Variants in MXI1 observed in about 807,000 individuals in gnomAD.
MXI1 encodes the protein max-interacting protein 1.
In MXI1, 18 loss-of-function variants were observed where a neutral mutation model predicts 36.9. The observed-to-expected ratio is 0.49, with a 90% CI of 0.34 to 0.72. The LOEUF is 0.72. MXI1 is among the 30% of genes least tolerant of loss of function. The probability of loss-of-function intolerance (pLI) is 0.01; values close to 1 mark genes in which losing one functional copy is unlikely to be tolerated. For missense variants in MXI1, 304 were observed against 379.1 expected (o/e 0.80, Z 1.64); for synonymous variants, 160 against 146.7 (o/e 1.09, Z -0.65).
At chr10:110,244,254 T>G (rs1855778137) in intron 2 of MXI1, among the ~76,000 whole-genome samples, 1 of 152,056 alleles carries the variant, frequency 6.6e-6, no homozygotes, top group South Asian at 2.1e-4. Flanking sequence ...TTCTTGATTT[T>G]ATTAATATAT....
intron 2 of MXI1, among the ~76,000 whole-genome samples, chr10:110,233,428 A>G (rs1855342485): frequency 1.3e-5 from 2 of 152,072 alleles, no homozygotes; most frequent in African/African-American, 4.8e-5. Flanking sequence ...GAGATGCTTT[A>G]TCTTCTCTTT....
At chr10:110,263,713 C>T (rs190025967) in intron 3 of MXI1, among the ~76,000 whole-genome samples, 67 of 152,268 alleles carry the variant, frequency 4.4e-4, no homozygotes, top group African/African-American at 1.4e-3. Context: ...GCTTGCTTTT[C>T]GAGATATACT....
At chr10:110,220,273 C>T (rs1044514745) in intron 1 of MXI1, among the ~76,000 whole-genome samples, 1 of 152,140 alleles carries the variant, frequency 6.6e-6, no homozygotes, top group Middle Eastern at 3.2e-3. Flanking sequence ...GGAGCAGCAC[C>T]GTGCATGTTG....
At chr10:110,250,274 A>G (rs1377902377) in intron 3 of MXI1, among the ~76,000 whole-genome samples, 2 of 152,150 alleles carry the variant, frequency 1.3e-5, no homozygotes. Flanking sequence ...GGCCCACAAC[A>G]GGTCATAATA....
intron 2 of MXI1, among the ~76,000 whole-genome samples, chr10:110,232,062 G>T (rs1027145588): frequency 6.6e-6 from 1 of 152,036 alleles, no homozygotes; most frequent in Non-Finnish European, 1.5e-5. Flanking sequence ...CTGGGTTCAC[G>T]CCATTCTCCT....
intron 3 of MXI1, among the ~76,000 whole-genome samples, chr10:110,249,489 G>A (rs1175183560): frequency 1.3e-5 from 2 of 150,794 alleles, no homozygotes; most frequent in East Asian, 3.9e-4. Context: ...TGAGGCACAA[G>A]AATTGCTTGA....
chr10:110,207,882 C>A lies in MXI1; in HGVS notation c.74C>A (p.Ala25Asp). Reference sequence around the variant, plus strand: ...GGGCTGGCCCCCGCCGCGCCCCCGGCTGTGCCCCCCGCCGTGGCCGCGCCC... The same window carrying A: ...GGGCTGGCCCCCGCCGCGCCCCCGGATGTGCCCCCCGCCGTGGCCGCGCCC... ...GAGLAPAAPP[A>D]VPPAVAAPQP... The change falls in exon 1 of 6, where the codon GCT (alanine) becomes GAT (aspartate). Residue 25 changes from alanine (A) to aspartate (D), a missense_variant. Ala to Asp is a moderately radical substitution (Grantham distance 126, BLOSUM62 -2). Transcript: ENST00000332674. 7.7e-7 allele frequency: 1 copy of A among 1,305,562 alleles called. No individual in the cohort carries two copies. The highest frequency in any genetic ancestry group is 1.9e-5 in the South Asian group (1 of 52,052). The allele number at this position is 1,305,562 out of a possible 1,614,324, so 80.9% of individuals were successfully genotyped here.
chr10:110,282,194 G>C (rs1857275078), intron 5 of MXI1, among the ~76,000 whole-genome samples: 2 of 152,142 alleles, frequency 1.3e-5, no homozygotes, highest in South Asian at 2.1e-4. Context: ...ATTATATCAT[G>C]AACTCATGTT....
At chr10:110,208,619 GTCTC>G (rs904349327) in intron 1 of MXI1, 2 of 152,116 alleles carry the variant, frequency 1.3e-5, no homozygotes, top group African/African-American at 2.4e-5. Context: ...GCTCGGCTCT[GTCTC>G]TCTCTCTCCC....
At chr10:110,253,324 T>C (rs979792742) in intron 3 of MXI1, among the ~76,000 whole-genome samples, 3 of 152,054 alleles carry the variant, frequency 2.0e-5, no homozygotes, top group Admixed American at 2.0e-4. Context: ...GTGATGGTTT[T>C]GGTCTGCCTT....
At chr10:110,216,648 C>G (rs1421288550) in intron 1 of MXI1, among the ~76,000 whole-genome samples, 2 of 127,490 alleles carry the variant, frequency 1.6e-5, no homozygotes, top group Non-Finnish European at 1.6e-5. Flanking sequence ...TCCCTGTCTC[C>G]CCTATCTGTG....
At chr10:110,248,900 C>G (rs1045250127) in intron 3 of MXI1, among the ~76,000 whole-genome samples, 2 of 152,114 alleles carry the variant, frequency 1.3e-5, no homozygotes. Context: ...CTGTACCCTA[C>G]TTCTGGGAAG....
intron 3 of MXI1, chr10:110,257,107 T>G (rs2134420591): frequency 6.6e-6 from 1 of 152,300 alleles, no homozygotes. Context: ...TGATATACGT[T>G]CTCTGGGTTT....
chr10:110,267,568 C>G (rs957487517), intron 3 of MXI1, among the ~76,000 whole-genome samples: 8 of 152,106 alleles, frequency 5.3e-5, no homozygotes, highest in African/African-American at 1.9e-4. Context: ...TTCGACAAAG[C>G]TGTGAAAAAA....
At chr10:110,243,114 C>T (rs1306777960) in intron 2 of MXI1, among the ~76,000 whole-genome samples, 3 of 151,300 alleles carry the variant, frequency 2.0e-5, no homozygotes, top group Non-Finnish European at 4.4e-5. Context: ...TTAATTCAAA[C>T]AAAGATTAAC....
chr10:110,267,257 A>G (rs185874353), intron 3 of MXI1, among the ~76,000 whole-genome samples: 2 of 152,348 alleles, frequency 1.3e-5, no homozygotes, highest in East Asian at 3.9e-4. Flanking sequence ...AAAAATAGAA[A>G]TAAAATCAAA....
At chr10:110,226,198 A>G (rs1854960575) in intron 1 of MXI1, 2 of 1,471,388 alleles carry the variant, frequency 1.4e-6, no homozygotes, top group Non-Finnish European at 9.0e-7. Context: ...GCCGGTCGCC[A>G]CCCGCGGTGC....
intron 4 of MXI1, 99 bp downstream of exon 4, chr10:110,279,393 C>T (rs1301889191): frequency 2.1e-6 from 2 of 973,184 alleles, no homozygotes; most frequent in South Asian, 1.4e-5. Flanking sequence ...TCACCATGCC[C>T]TCCTTAATAA....
intron 1 of MXI1, among the ~76,000 whole-genome samples, chr10:110,217,060 A>G (rs1284238459): frequency 1.3e-5 from 2 of 152,018 alleles, no homozygotes; most frequent in Non-Finnish European, 2.9e-5. Flanking sequence ...TGTGTAAGCA[A>G]CCTTGTAAGT....
Sources: allele counts gnomAD v4.1 joint callset (sites outside exome capture counted in the v4.1 genomes callset), GRCh38; gene constraint gnomAD v4.1.1; transcripts MANE v1.5; gene names NCBI Gene and HGNC (gene_info 2026-07-23, HGNC 2026-07-21).